KIF3A: variants seen among roughly 807,000 people sequenced by gnomAD.
The protein encoded by KIF3A is kinesin family member 3A.
In KIF3A, 27 loss-of-function variants were observed where a neutral mutation model predicts 92.6. The ratio of observed to expected loss-of-function variants is 0.29; its 90% CI spans 0.21 to 0.40. The LOEUF (loss-of-function observed/expected upper bound fraction) is 0.40. KIF3A is among the 10% of genes least tolerant of loss of function. The probability of loss-of-function intolerance (pLI) is 1.00; values close to 1 mark genes in which losing one functional copy is unlikely to be tolerated. For synonymous variants in KIF3A, 250 were observed against 275.4 expected, an observed-to-expected ratio of 0.91 and a Z score of 0.92; for missense variants, 581 against 872.6, an observed-to-expected ratio of 0.67 and a Z score of 4.21.
chr5:132,723,507 C>T (rs1753897927), intron 4 of KIF3A: 1 of 152,198 alleles, frequency 6.6e-6, no homozygotes, highest in African/African-American at 2.4e-5. Flanking sequence ...ACATTTACAA[C>T]TATCTGATCT....
At chr5:132,702,503 C>T in intron 14 of KIF3A, 55 bp downstream of exon 14, 1 of 961,290 alleles carries the variant, frequency 1.0e-6, no homozygotes. Context: ...AATCAAAGAA[C>T]TCCCTTTTAA....
rs1437730317 is a variant in KIF3A, at chr5:132,696,315, GGATA to G, written c.*315_*318del. 1.1e-5 allele frequency: 2 copies of G among 184,108 alleles called. No homozygotes were observed. The highest frequency in any genetic ancestry group is 2.2e-5 in the Non-Finnish European group (2 of 89,690). The allele number at this position is 184,108 out of a possible 1,614,324, so 11.4% of individuals were successfully genotyped here. A position where few individuals can be genotyped will look rare whatever the true frequency, so the allele number is the denominator to read the frequency against. Reference sequence around the variant, plus strand: ...CTAGTTACCTAAATATACAGTAGTTGGATAAATAGCTAATCGATTTACACATACA... The same window carrying G: ...CTAGTTACCTAAATATACAGTAGTTGAATAGCTAATCGATTTACACATACA... On this transcript the variant is annotated 3_prime_UTR_variant, in exon 19 of 19. Transcript: ENST00000403231.
At chr5:132,723,227 A>G (rs1385966483) in intron 4 of KIF3A, 1 of 152,208 alleles carries the variant, frequency 6.6e-6, no homozygotes, top group Non-Finnish European at 1.5e-5. Context: ...ATACTGCCCA[A>G]GGTAATTTAT....
intron 4 of KIF3A, 93 bp downstream of exon 4, chr5:132,726,035 G>C: frequency 1.2e-6 from 1 of 810,426 alleles, no homozygotes; most frequent in Admixed American, 2.7e-5. Flanking sequence ...AATATAAAAA[G>C]CAACTTTTGT....
intron 2 of KIF3A, 147 bp from the exon 3 acceptor site, chr5:132,726,645 C>G: frequency 1.5e-6 from 1 of 678,402 alleles, no homozygotes; most frequent in Non-Finnish European, 2.5e-6. Context: ...TTATTATCAA[C>G]AATTACAATG....
chr5:132,726,790 T>C (rs756658672), intron 2 of KIF3A, among the ~76,000 whole-genome samples: 6 of 152,202 alleles, frequency 3.9e-5, no homozygotes, highest in Non-Finnish European at 7.3e-5. Context: ...TTTCTTGTCA[T>C]GTGTATATAA....
chr5:132,732,043 T>C (rs1339205524), intron 2 of KIF3A, among the ~76,000 whole-genome samples: 1 of 152,046 alleles, frequency 6.6e-6, no homozygotes, highest in Admixed American at 6.5e-5. Context: ...CTACAAAATT[T>C]ACAAAAAACC....
chr5:132,699,372 T>A, intron 17 of KIF3A, 77 bp from the exon 18 acceptor site: 1 of 1,430,060 alleles, frequency 7.0e-7, no homozygotes, highest in Non-Finnish European at 9.7e-7. Context: ...TTTAAAATAC[T>A]GAATAAACTC....
chr5:132,714,596 A>G (rs1384436522), intron 8 of KIF3A, among the ~76,000 whole-genome samples: 1 of 152,204 alleles, frequency 6.6e-6, no homozygotes, highest in Non-Finnish European at 1.5e-5. Context: ...CGAAAGTAGA[A>G]TAGTGGTTAC....
chr5:132,718,684 T>C (rs569887304), intron 5 of KIF3A, among the ~76,000 whole-genome samples: 2 of 152,254 alleles, frequency 1.3e-5, no homozygotes, highest in African/African-American at 4.8e-5. Flanking sequence ...TGGAGTTCAG[T>C]GGTGCTATCT....
At chr5:132,737,130 C>T (rs1754422338) in intron 1 of KIF3A, among the ~76,000 whole-genome samples, 1 of 152,256 alleles carries the variant, frequency 6.6e-6, no homozygotes, top group Admixed American at 6.5e-5. Flanking sequence ...AGCCAGAGCG[C>T]ATCCTCCAGC....
chr5:132,709,311 C>A (rs1037565402), intron 9 of KIF3A, among the ~76,000 whole-genome samples: 1 of 152,074 alleles, frequency 6.6e-6, no homozygotes, highest in South Asian at 2.1e-4. Flanking sequence ...AGATTTTAGT[C>A]TACTGAAACT....
rs560077469 is a variant in KIF3A at position 132,716,003 on chromosome 5, T to C, written c.955-72A>G. On this transcript the variant is annotated intron_variant, in intron 7 of 18. Transcript: ENST00000403231. ...TTAAAATTAATACTACCATTACAAA[T>C]ACATCAAAAACATTTAAAGCACATA... 5.3e-6 allele frequency: 6 copies of C among 1,131,530 alleles called. No individual in the cohort carries two copies. The African/African-American group carries it at 7.8e-5, about 15-fold the overall frequency. 70.1% of individuals were successfully genotyped at this position (1,131,530 alleles called of 1,614,324 possible).
At chr5:132,717,917 A>C (rs1753685806) in intron 5 of KIF3A, among the ~76,000 whole-genome samples, 1 of 152,206 alleles carries the variant, frequency 6.6e-6, no homozygotes, top group Non-Finnish European at 1.5e-5. Context: ...CCTGAGAATT[A>C]AATTAATTTC....
intron 2 of KIF3A, among the ~76,000 whole-genome samples, chr5:132,727,938 T>C (rs1754093486): frequency 6.6e-6 from 1 of 152,224 alleles, no homozygotes; most frequent in South Asian, 2.1e-4. Context: ...AACACACTTT[T>C]CAGACTTTTC....
At chr5:132,732,952 T>C (rs1013499959) in intron 2 of KIF3A, among the ~76,000 whole-genome samples, 2 of 151,336 alleles carry the variant, frequency 1.3e-5, no homozygotes, top group Admixed American at 1.3e-4. Flanking sequence ...TATGTTTATA[T>C]GTTACAATAG....
intron 2 of KIF3A, among the ~76,000 whole-genome samples, chr5:132,732,825 C>T (rs1754277596): frequency 6.6e-6 from 1 of 151,886 alleles, no homozygotes. Flanking sequence ...AGGAGAATCG[C>T]TTGAACCCAG....
intron 5 of KIF3A, among the ~76,000 whole-genome samples, chr5:132,718,502 G>A (rs1474858364): frequency 6.6e-6 from 1 of 152,144 alleles, no homozygotes. Context: ...CAGAGACGAG[G>A]TTTCACCAGG....
At position 132,703,579 on chromosome 5, in the gene KIF3A, T is replaced by C. The variant is rs1181940681; in HGVS notation, c.1350A>G (p.Gln450=). The change falls in exon 12 of 19, where the codon CAA becomes CAG. Residue 450 remains glutamine (Q), a synonymous_variant. Coordinates refer to ENST00000403231, the MANE Select transcript of KIF3A (RefSeq NM_001300791.2). The part of the protein sequence containing the change: ...KVSPDKMIEM[Q]AKIDEERKAL... ...CTTTTCTCTCCTCATCAATTTTTGCTTGCATTTCAATCATCTTGTCTGGGG... is the reference window on the plus strand; with the variant it reads ...CTTTTCTCTCCTCATCAATTTTTGCCTGCATTTCAATCATCTTGTCTGGGG... 19 of 1,612,040 alleles carry C rather than the reference T, an allele frequency of 1.2e-5. No homozygotes were observed. The highest frequency in any genetic ancestry group is 1.4e-5 in the Non-Finnish European group (17 of 1,179,054).
Sources: gnomAD v4.1 joint callset for allele counts (sites outside exome capture counted in the v4.1 genomes callset) on GRCh38, gnomAD v4.1.1 for gene constraint, MANE v1.5 for transcripts, NCBI Gene and HGNC (gene_info 2026-07-23, HGNC 2026-07-21) for gene names.